The following ACP3 variants were observed in gnomAD, a reference collection of about 807,000 sequenced individuals.
The protein encoded by ACP3 is prostatic acid phosphatase.
Under a neutral mutation model 45.6 loss-of-function variants are expected in ACP3, and 38 were observed. The ratio of observed to expected loss-of-function variants is 0.83; its 90% confidence interval spans 0.64 to 1.09. The LOEUF (loss-of-function observed/expected upper bound fraction) is 1.09, where lower values mean the gene tolerates loss of function less well. Among genes scored for constraint, ACP3 ranks in the 50% least tolerant of loss-of-function variants. ACP3 has a pLI of 0.00. For missense variants in ACP3, 466 were observed against 463.2 expected, an observed-to-expected ratio of 1.01 and a Z score of -0.05; for synonymous variants, 162 against 164.7, an observed-to-expected ratio of 0.98 and a Z score of 0.13.
chr3:132,344,786 A>T, intron 6 of ACP3, 141 bp from the exon 7 acceptor site: 1 of 914,110 alleles, frequency 1.1e-6, no homozygotes. Flanking sequence ...TACTTATCAC[A>T]ATATGAAGTT....
At chr3:132,321,715 A>G (rs1194834602) in intron 1 of ACP3, among the ~76,000 whole-genome samples, 1 of 152,196 alleles carries the variant, frequency 6.6e-6, no homozygotes, top group Non-Finnish European at 1.5e-5. Flanking sequence ...AAGGAAATAA[A>G]AGTAGGGAGA....
At chr3:132,320,021 A>C (rs1264275041) in intron 1 of ACP3, among the ~76,000 whole-genome samples, 1 of 142,426 alleles carries the variant, frequency 7.0e-6, no homozygotes, top group Non-Finnish European at 1.6e-5. Context: ...CTAGTTTGAC[A>C]AGTTGTTAAC....
chr3:132,350,062 C>A (rs906105201), intron 8 of ACP3, 60 bp downstream of exon 8: 2 of 1,189,858 alleles, frequency 1.7e-6, no homozygotes, highest in Non-Finnish European at 2.5e-6. Context: ...TCTTGAAGCA[C>A]AGGACCTCAT....
chr3:132,366,285 G>C (rs1938130216), intron 10 of ACP3, among the ~76,000 whole-genome samples: 1 of 147,696 alleles, frequency 6.8e-6, no homozygotes, highest in Non-Finnish European at 1.5e-5. Context: ...GGGTGACAGA[G>C]TGAAACTCTG....
chr3:132,336,762 T>G (rs377448517), intron 4 of ACP3, among the ~76,000 whole-genome samples: 2 of 152,218 alleles, frequency 1.3e-5, no homozygotes, highest in African/African-American at 4.8e-5. Flanking sequence ...GCAAATTAGT[T>G]ATTTCTACCA....
chr3:132,326,155 G>A (rs1047691545), intron 1 of ACP3, among the ~76,000 whole-genome samples: 2 of 152,054 alleles, frequency 1.3e-5, no homozygotes, highest in African/African-American at 2.4e-5. Flanking sequence ...ACTGGCATCC[G>A]GTGGGTAAAG....
chr3:132,356,859 C>G lies in ACP3; in HGVS notation c.1142C>G (p.Thr381Ser). The change falls in exon 10 of 10, where the codon ACT (threonine) becomes AGT (serine). Residue 381 changes from threonine (T) to serine (S), a missense_variant. By Grantham distance (58) the Thr-to-Ser change is moderately conservative. Coordinates refer to ENST00000336375, the MANE Select transcript of ACP3 (RefSeq NM_001099.5). ...ECMTTNSHQG[T>S]EDSTD ...ATGACCACAAACAGCCATCAAGGTA[C>G]TGAAGACAGTACAGATTAGTGTGCA... is the stretch of plus-strand genomic sequence containing the variant. The G allele has an allele frequency of 6.2e-7, 1 of 1,614,116 alleles. No homozygotes were observed. Among genetic ancestry groups the G allele is most frequent in the Non-Finnish European group, 8.5e-7 (1 of 1,180,002 alleles).
At position 132,342,583 on chromosome 3, in the gene ACP3, G is replaced by T; in HGVS notation, c.587G>T (p.Gly196Val). The T allele has an allele frequency of 6.2e-7, 1 of 1,612,734 alleles. No individual in the cohort carries two copies. Among genetic ancestry groups the T allele is most frequent in the South Asian group, 1.1e-5 (1 of 90,908 alleles). ...ATAGCTACCTTGGGAAAACTTTCAG[G>T]ATTACATGGCCAGGACCTTTTTGGA... ...DFIATLGKLSGLHGQDLFGIW... is the reference protein window; with the variant it reads ...DFIATLGKLSVLHGQDLFGIW... Residue 196 changes from glycine (G) to valine (V), a missense_variant, in exon 6 of 10, where the codon GGA becomes GTA. Transcript: ENST00000336375.
intron 7 of ACP3, among the ~76,000 whole-genome samples, chr3:132,345,690 A>G (rs1009578000): frequency 1.3e-5 from 2 of 152,238 alleles, no homozygotes; most frequent in African/African-American, 4.8e-5. Context: ...TTTATCAGTG[A>G]TGCCTCTTCT....
intron 4 of ACP3, among the ~76,000 whole-genome samples, chr3:132,336,663 C>T (rs1189345233): frequency 6.6e-6 from 1 of 152,064 alleles, no homozygotes; most frequent in African/African-American, 2.4e-5. Flanking sequence ...TGCAGAGATC[C>T]TAAGCCTATG....
chr3:132,340,635 C>T (rs957320480), intron 5 of ACP3, among the ~76,000 whole-genome samples: 2 of 152,094 alleles, frequency 1.3e-5, no homozygotes, highest in African/African-American at 2.4e-5. Context: ...TATCTAATTG[C>T]TCCATCATTG....
intron 1 of ACP3, among the ~76,000 whole-genome samples, chr3:132,320,800 GC>G: frequency 6.6e-6 from 1 of 152,136 alleles, no homozygotes; most frequent in Middle Eastern, 3.4e-3. Context: ...ACAGGCGTGT[GC>G]CACCATGCCT....
intron 8 of ACP3, among the ~76,000 whole-genome samples, chr3:132,351,019 T>C (rs1201222384): frequency 6.6e-6 from 1 of 152,000 alleles, no homozygotes; most frequent in African/African-American, 2.4e-5. Flanking sequence ...GAATTGGAAG[T>C]GGGTGGAAGA....
At chr3:132,346,138 G>C (rs1371859105) in intron 7 of ACP3, among the ~76,000 whole-genome samples, 1 of 152,182 alleles carries the variant, frequency 6.6e-6, no homozygotes, top group Non-Finnish European at 1.5e-5. Flanking sequence ...TAGAGGCAAA[G>C]CATATTAGGG....
intron 4 of ACP3, among the ~76,000 whole-genome samples, chr3:132,335,300 T>C (rs1309670880): frequency 6.6e-6 from 1 of 152,116 alleles, no homozygotes; most frequent in Non-Finnish European, 1.5e-5. Context: ...GAAAAGACAC[T>C]GGAGCCTCAG....
At chr3:132,365,348 A>T (rs547516745) in intron 10 of ACP3, among the ~76,000 whole-genome samples, 1 of 152,360 alleles carries the variant, frequency 6.6e-6, no homozygotes, top group East Asian at 1.9e-4. Flanking sequence ...TTAAATGGGA[A>T]GGTCTCATGG....
At chr3:132,340,302 C>T (rs922263478) in intron 5 of ACP3, among the ~76,000 whole-genome samples, 18 of 132,978 alleles carry the variant, frequency 1.4e-4, no homozygotes, top group South Asian at 4.7e-4. Flanking sequence ...GCAACAAGAA[C>T]GAAATTCCGT....
At chr3:132,342,680 C>A in intron 6 of ACP3, 36 bp downstream of exon 6, 3 of 1,284,438 alleles carry the variant, frequency 2.3e-6, no homozygotes, top group South Asian at 1.3e-5. Flanking sequence ...AACTTGCAAT[C>A]TGATTTTATG....
Position 132,337,558 on chromosome 3 carries a change from A to G in ACP3, c.555+4A>G, listed in dbSNP as rs765016209. ...GAAGAGGCTGCACCCTTATAAGGTT[A>G]AAAGCTAGTTTTGTTTAGTGGTACT... On this transcript the variant is annotated splice_donor_region_variant and intron_variant, in intron 5 of 9. Coordinates refer to ENST00000336375, the MANE Select transcript of ACP3 (RefSeq NM_001099.5). 6.3e-7 allele frequency: 1 copy of G among 1,582,022 alleles called. No individual in the cohort carries two copies. The highest frequency in any genetic ancestry group is 1.7e-5 in the Admixed American group (1 of 58,868).
Sources: gnomAD v4.1 joint callset for allele counts (sites outside exome capture counted in the v4.1 genomes callset) on GRCh38, gnomAD v4.1.1 for gene constraint, MANE v1.5 for transcripts, NCBI Gene and HGNC (gene_info 2026-07-23, HGNC 2026-07-21) for gene names.